DLC1: variants seen among roughly 807,000 people sequenced by gnomAD.
DLC1 encodes the protein DLC1 Rho GTPase activating protein.
A neutral mutation model predicts 140.3 loss-of-function variants in DLC1; 54 were observed. The ratio of observed to expected loss-of-function variants is 0.38; its 90% confidence interval spans 0.31 to 0.48. The LOEUF (loss-of-function observed/expected upper bound fraction) is 0.48. Ranked by LOEUF, DLC1 falls within the 20% of genes least tolerant of loss-of-function variation. DLC1 has a pLI of 0.96. For missense variants in DLC1, 2,536 were observed against 1,907.0 expected, an observed-to-expected ratio of 1.33 and a Z score of -6.14; for synonymous variants, 986 against 728.1, an observed-to-expected ratio of 1.35 and a Z score of -5.70.
chr8:13,123,164 C>G (rs1256838202), intron 5 of DLC1, among the ~76,000 whole-genome samples: 1 of 152,106 alleles, frequency 6.6e-6, no homozygotes, highest in African/African-American at 2.4e-5. Context: ...TTGTTAAGCC[C>G]GAAGTGACCC....
intron 1 of DLC1, among the ~76,000 whole-genome samples, chr8:13,510,475 C>A (rs1802310725): frequency 1.3e-5 from 2 of 151,484 alleles, no homozygotes; most frequent in Non-Finnish European, 3.0e-5. Flanking sequence ...CCTTTTTAAA[C>A]AAGGACTTGT....
At chr8:13,122,790 T>C (rs1821207701) in intron 5 of DLC1, among the ~76,000 whole-genome samples, 2 of 144,366 alleles carry the variant, frequency 1.4e-5, no homozygotes, top group Middle Eastern at 3.5e-3. Flanking sequence ...AAACATCTGC[T>C]ATGCATAGTC....
At chr8:13,167,572 A>G (rs914321288) in intron 5 of DLC1, among the ~76,000 whole-genome samples, 4 of 152,178 alleles carry the variant, frequency 2.6e-5, no homozygotes, top group Admixed American at 2.6e-4. Flanking sequence ...GACGCCTGAA[A>G]TCAGAGTACA....
At chr8:13,160,824 G>C (rs1055895504) in intron 5 of DLC1, among the ~76,000 whole-genome samples, 1 of 152,206 alleles carries the variant, frequency 6.6e-6, no homozygotes, top group Non-Finnish European at 1.5e-5. Context: ...GGTGGCTCAC[G>C]CCTGTAATCC....
rs6995936 is a variant in DLC1 at position 13,204,854 on chromosome 8, G to T, written c.1349-89197C>A. On this transcript the variant is annotated intron_variant, in intron 5 of 17. Transcript: ENST00000276297. The stretch of plus-strand genomic sequence containing the variant: ...ATATTTATGGGAATGCTTGTGGTCA[G>T]ATTCCTGCATTGCCTTTACATATAA... 2.6e-5 allele frequency among the ~76,000 whole-genome samples: 4 copies of T among 152,062 alleles called. No individual in the cohort carries two copies. The South Asian group carries it at 8.3e-4, about 31-fold the overall frequency.
chr8:13,091,016 C>T lies in DLC1; in HGVS notation c.3855+302G>A, dbSNP rs1323992361. Among the ~76,000 whole-genome samples the T allele has an allele frequency of 3.3e-5, 5 of 151,772 alleles. No individual in the cohort carries two copies. The South Asian group carries it at 8.3e-4, about 25-fold the overall frequency. On this transcript the variant is annotated intron_variant, in intron 14 of 17. Coordinates refer to ENST00000276297, the MANE Select transcript of DLC1 (RefSeq NM_182643.3). ...AGAGATGAGGTCTCACCATGTTGCC[C>T]GGGTTGGTCTTGAACTCCGGAGCTC...
intron 2 of DLC1, among the ~76,000 whole-genome samples, chr8:13,487,427 TA>T (rs1242770381): frequency 6.6e-6 from 1 of 152,128 alleles, no homozygotes; most frequent in Non-Finnish European, 1.5e-5. Context: ...ACAATAATGG[TA>T]AAAATTAAGA....
intron 4 of DLC1, among the ~76,000 whole-genome samples, chr8:13,347,531 A>G (rs2117013949): frequency 6.6e-6 from 1 of 152,248 alleles, no homozygotes; most frequent in South Asian, 2.1e-4. Flanking sequence ...CATTCCATAT[A>G]ATGATCATTC....
intron 3 of DLC1, among the ~76,000 whole-genome samples, chr8:13,401,043 G>T (rs1022390261): frequency 1.4e-4 from 21 of 152,064 alleles, no homozygotes; most frequent in African/African-American, 4.6e-4. Context: ...AGTTCAACTG[G>T]CATCCATCCA....
intron 5 of DLC1, among the ~76,000 whole-genome samples, chr8:13,295,734 G>A (rs1440319386): frequency 6.6e-6 from 1 of 152,066 alleles, no homozygotes; most frequent in African/African-American, 2.4e-5. Context: ...TATACTCAGT[G>A]AGGTCAAAGT....
chr8:13,435,173 G>C (rs1402251286), intron 2 of DLC1, among the ~76,000 whole-genome samples: 1 of 152,150 alleles, frequency 6.6e-6, no homozygotes, highest in African/African-American at 2.4e-5. Flanking sequence ...GGGAGAATTT[G>C]ATTCCAATCC....
intron 4 of DLC1, among the ~76,000 whole-genome samples, chr8:13,319,827 T>TTTTTTTC (rs1833019281): frequency 2.4e-5 from 3 of 124,780 alleles, no homozygotes; most frequent in Non-Finnish European, 3.4e-5. Context: ...CTCTCTTTTT[T>TTTTTTTC]TTTTTTTTTT....
chr8:13,414,427 T>C (rs1448113768), intron 2 of DLC1, among the ~76,000 whole-genome samples: 2 of 152,210 alleles, frequency 1.3e-5, no homozygotes, highest in Non-Finnish European at 2.9e-5. Context: ...TCACTCTCAA[T>C]ATGTTGAATC....
intron 1 of DLC1, among the ~76,000 whole-genome samples, chr8:13,602,970 A>G (rs1166224824): frequency 6.6e-6 from 1 of 151,930 alleles, no homozygotes; most frequent in Non-Finnish European, 1.5e-5. Flanking sequence ...TGCTGGGTTG[A>G]AAACTTATTT....
chr8:13,456,256 G>T (rs1045393197), intron 2 of DLC1, among the ~76,000 whole-genome samples: 3 of 152,182 alleles, frequency 2.0e-5, no homozygotes, highest in East Asian at 3.9e-4. Context: ...TCTGTATTCT[G>T]CCCTTTTTCT....
chr8:13,235,755 G>A (rs947825160), intron 5 of DLC1, among the ~76,000 whole-genome samples: 3 of 151,894 alleles, frequency 2.0e-5, no homozygotes, highest in African/African-American at 7.2e-5. Context: ...TCACTCACAA[G>A]ACCACAGTAA....
At chr8:13,453,404 G>GTATA (rs1252499122) in intron 2 of DLC1, among the ~76,000 whole-genome samples, 531 of 22,928 alleles carry the variant, frequency 0.023, 21 homozygotes, top group Admixed American at 0.042. Context: ...ATATATATGT[G>GTATA]TATATATATA....
chr8:13,536,072 A>G (rs747703763), intron 1 of DLC1: 1 of 152,278 alleles, frequency 6.6e-6, no homozygotes, highest in Admixed American at 6.5e-5. Flanking sequence ...CTTGGAAGCT[A>G]AGCAGGATTG....
chr8:13,223,951 A>G (rs532544546), intron 5 of DLC1, among the ~76,000 whole-genome samples: 1 of 152,348 alleles, frequency 6.6e-6, no homozygotes, highest in East Asian at 1.9e-4. Context: ...CAACTCTAAT[A>G]AAAAGGCAAA....
Sources: gnomAD v4.1 joint callset for allele counts (sites outside exome capture counted in the v4.1 genomes callset) on GRCh38, gnomAD v4.1.1 for gene constraint, MANE v1.5 for transcripts, NCBI Gene and HGNC (gene_info 2026-07-23, HGNC 2026-07-21) for gene names.